DNAAF11: variants seen among roughly 807,000 people sequenced by gnomAD.
The protein encoded by DNAAF11 is leucine rich repeat containing 6.
Under a neutral mutation model 60.8 loss-of-function variants are expected in DNAAF11, and 45 were observed. The ratio of observed to expected loss-of-function variants is 0.74; its 90% CI spans 0.58 to 0.95. The LOEUF (loss-of-function observed/expected upper bound fraction) is 0.95. Ranked by LOEUF, DNAAF11 falls within the 40% of genes least tolerant of loss-of-function variation. The pLI, the probability that DNAAF11 is intolerant of heterozygous loss-of-function variation, is 0.00. For synonymous variants in DNAAF11, 191 were observed against 183.5 expected, an observed-to-expected ratio of 1.04 and a Z score of -0.33; for missense variants, 546 against 546.2, an observed-to-expected ratio of 1.00 and a Z score of 0.00.
rs548434393 is a variant in DNAAF11 at position 132,661,239 on chromosome 8, C to A, written c.178+221G>T. On this transcript the variant is annotated intron_variant, in intron 2 of 11. Coordinates refer to ENST00000620350, the MANE Select transcript of DNAAF11 (RefSeq NM_012472.6). ...TGATCAGGTCAACTAATGTGTTCCT[C>A]ACCTTTACCTGCTCTCCCAACTCCT... is the stretch of plus-strand genomic sequence containing the variant. Among the ~76,000 whole-genome samples, 26 of 152,184 alleles carry A rather than the reference C, an allele frequency of 1.7e-4. 1 individual carries two copies. The highest frequency in any genetic ancestry group is 6.3e-4 in the African/African-American group (26 of 41,530).
chr8:132,601,423 G>T (rs1817606748), intron 10 of DNAAF11, among the ~76,000 whole-genome samples: 1 of 152,152 alleles, frequency 6.6e-6, no homozygotes, highest in African/African-American at 2.4e-5. Context: ...CTACTACTGG[G>T]TATATACCCA....
the DNAAF11 span, among the ~76,000 whole-genome samples, chr8:132,695,505 C>T: frequency 6.6e-6 from 1 of 152,056 alleles, no homozygotes; most frequent in Non-Finnish European, 1.5e-5. Context: ...TATGAGGTGG[C>T]AATAGCTAGC....
chr8:132,652,840 A>G (rs11777709), intron 3 of DNAAF11, among the ~76,000 whole-genome samples: 33,152 of 151,994 alleles, frequency 0.22, 4,014 homozygotes, highest in East Asian at 0.35. Context: ...TACCTAATGT[A>G]GATGACGGGT....
upstream of DNAAF11, among the ~76,000 whole-genome samples, chr8:132,677,547 C>G (rs1236201822): frequency 6.6e-6 from 1 of 152,166 alleles, no homozygotes; most frequent in Non-Finnish European, 1.5e-5. Context: ...CATGTTGGCT[C>G]TAAGCTTCTA....
intron 10 of DNAAF11, among the ~76,000 whole-genome samples, chr8:132,586,157 G>T (rs1815867386): frequency 2.6e-5 from 4 of 152,172 alleles, no homozygotes; most frequent in Admixed American, 2.6e-4. Context: ...GGGGGAAGGG[G>T]TCTCCTCCTG....
chr8:132,687,399 A>G, the DNAAF11 span: 238 of 300,900 alleles, frequency 7.9e-4, 1 homozygote, highest in East Asian at 0.015. Flanking sequence ...TTGAAAGCTT[A>G]CATTCTAGCA....
intron 6 of DNAAF11, 191 bp from the exon 7 acceptor site, chr8:132,622,879 C>A: frequency 1.9e-6 from 1 of 535,566 alleles, no homozygotes; most frequent in Non-Finnish European, 3.3e-6. Context: ...GACAATCAAG[C>A]CAGATTTTTT....
rs1296691446 is a variant in DNAAF11, at chr8:132,625,381, T to A, written c.727A>T (p.Ser243Cys). ...EEHNTKKLDNSEDDLEFWNKP... is the reference protein window; with the variant it reads ...EEHNTKKLDNCEDDLEFWNKP... ...TTCCAGAATTCCAAGTCATCTTCAC[T>A]GTTGTCTAATTTCTTTGTGTTGTGT... Residue 243 changes from serine to cysteine, a missense_variant, in exon 6 of 12, where the codon AGT becomes TGT. Physicochemically the swap from Ser to Cys is moderately radical, Grantham distance 112. Transcript: ENST00000620350. The A allele has an allele frequency of 6.2e-7, 1 of 1,613,648 alleles. No homozygotes were observed. The highest frequency in any genetic ancestry group is 1.7e-5 in the Admixed American group (1 of 59,984).
At chr8:132,586,600 C>A (rs1486443852) in intron 10 of DNAAF11, among the ~76,000 whole-genome samples, 1 of 152,122 alleles carries the variant, frequency 6.6e-6, no homozygotes, top group Non-Finnish European at 1.5e-5. Flanking sequence ...GAACTCTTTG[C>A]TCCTTCCTTA....
At chr8:132,678,239 C>T (rs1162467130), upstream of DNAAF11, among the ~76,000 whole-genome samples, 1 of 152,210 alleles carries the variant, frequency 6.6e-6, no homozygotes, top group Non-Finnish European at 1.5e-5. Context: ...TTCAAAGCTG[C>T]CTGCCGTATG....
chr8:132,698,973 A>AC, the DNAAF11 span, among the ~76,000 whole-genome samples: 1 of 149,628 alleles, frequency 6.7e-6, no homozygotes, highest in African/African-American at 2.4e-5. Context: ...CACACACACA[A>AC]AAAAAATTAG....
chr8:132,682,005 A>G, the DNAAF11 span, among the ~76,000 whole-genome samples: 4 of 152,326 alleles, frequency 2.6e-5, no homozygotes, highest in Middle Eastern at 3.4e-3. Flanking sequence ...GGTGTGTAAA[A>G]TGTTTGCCCA....
In DNAAF11 at chr8:132,674,127, G is replaced by GAAGAGA. The variant is rs1563725940; in HGVS notation, c.10+1356_10+1357insTCTCTT. 9.2e-4 allele frequency among the ~76,000 whole-genome samples: 119 copies of GAAGAGA among 129,238 alleles called. 4 individuals are homozygous for GAAGAGA. Among genetic ancestry groups the GAAGAGA allele is most frequent in the African/African-American group, 4.5e-3 (115 of 25,564 alleles). The allele number at this position is 129,238 out of a possible 152,430, so 84.8% of individuals were successfully genotyped here. A position where few individuals can be genotyped will look rare whatever the true frequency, so the allele number is the denominator to read the frequency against. ...GGAGGAGGAGCAGGAGGAGGAGGAG[G>GAAGAGA]AGGAGGAGAAGGAGGAGGAAGAGGA... is the stretch of plus-strand genomic sequence containing the variant. On this transcript the variant is annotated intron_variant, in intron 1 of 11. Transcript: ENST00000620350.
the DNAAF11 span, among the ~76,000 whole-genome samples, chr8:132,698,923 T>C: frequency 1.1e-5 from 1 of 91,822 alleles, no homozygotes. Context: ...CTACTTAAAA[T>C]ATATATATGT....
Position 132,662,876 on chromosome 8 carries a change from T to A in DNAAF11, c.11-1249A>T, listed in dbSNP as rs190940678. On this transcript the variant is annotated intron_variant, in intron 1 of 11. Coordinates refer to ENST00000620350, the MANE Select transcript of DNAAF11 (RefSeq NM_012472.6). Reference sequence around the variant, plus strand: ...TCTGCTACCACACCTCTATGTCACATCCTTAAAAGTGGAATTTGCCTTTTT... The same window carrying A: ...TCTGCTACCACACCTCTATGTCACAACCTTAAAAGTGGAATTTGCCTTTTT... Among the ~76,000 whole-genome samples, 849 of 152,332 alleles carry A rather than the reference T, an allele frequency of 5.6e-3. 28 individuals are homozygous for A. Among genetic ancestry groups the A allele is most frequent in the Admixed American group, 0.051 (778 of 15,306 alleles).
intron 11 of DNAAF11, among the ~76,000 whole-genome samples, chr8:132,579,837 A>T (rs1303264323): frequency 6.6e-6 from 1 of 152,160 alleles, no homozygotes; most frequent in African/African-American, 2.4e-5. Flanking sequence ...TCTACTAAAA[A>T]TACCAAAAAA....
chr8:132,668,151 A>C (rs573264552), intron 1 of DNAAF11, among the ~76,000 whole-genome samples: 4 of 152,256 alleles, frequency 2.6e-5, no homozygotes, highest in Non-Finnish European at 5.9e-5. Flanking sequence ...CACCTCTTGC[A>C]GCATCTAAAA....
At chr8:132,674,531 A>G (rs979288853) in intron 1 of DNAAF11, among the ~76,000 whole-genome samples, 3 of 152,230 alleles carry the variant, frequency 2.0e-5, no homozygotes, top group Admixed American at 6.5e-5. Context: ...CGATATCAAA[A>G]TGGTTCATAC....
At chr8:132,636,996 GC>G (rs1382155810) in intron 4 of DNAAF11, among the ~76,000 whole-genome samples, 1 of 152,176 alleles carries the variant, frequency 6.6e-6, no homozygotes, top group Non-Finnish European at 1.5e-5. Flanking sequence ...GGAACATGGA[GC>G]CACATGCAGG....
Sources: gnomAD v4.1 joint callset for allele counts (sites outside exome capture counted in the v4.1 genomes callset) on GRCh38, gnomAD v4.1.1 for gene constraint, MANE v1.5 for transcripts, NCBI Gene and HGNC (gene_info 2026-07-23, HGNC 2026-07-21) for gene names.